The following ADGRL2 variants were observed in gnomAD, a reference collection of about 807,000 sequenced individuals.
ADGRL2 encodes the protein adhesion G protein-coupled receptor L2, also known as calcium-independent alpha-latrotoxin receptor 2.
ADGRL2 carries 44 observed loss-of-function variants against 157.4 expected under a neutral mutation model. The observed-to-expected ratio is 0.28, with a 90% CI of 0.22 to 0.36. The LOEUF is 0.36. ADGRL2 is among the 10% of genes least tolerant of loss of function. ADGRL2 has a pLI of 1.00. For synonymous variants in ADGRL2, 585 were observed against 624.7 expected, an observed-to-expected ratio of 0.94 and a Z score of 0.95; for missense variants, 1,510 against 1,768.9, an observed-to-expected ratio of 0.85 and a Z score of 2.63.
intron 1 of ADGRL2, among the ~76,000 whole-genome samples, chr1:81,709,938 G>C (rs984104383): frequency 1.3e-5 from 2 of 152,094 alleles, no homozygotes; most frequent in Admixed American, 1.3e-4. Context: ...AGAAATAACT[G>C]TTTCCCCGTC....
chr1:81,746,328 G>A (rs187957704), intron 1 of ADGRL2, among the ~76,000 whole-genome samples: 13 of 152,008 alleles, frequency 8.6e-5, no homozygotes, highest in South Asian at 4.2e-4. Flanking sequence ...TTGCTCTGTC[G>A]CCCAGGCTTG....
At chr1:81,663,830 G>T (rs1483584568) in intron 3 of ADGRL2, among the ~76,000 whole-genome samples, 1 of 152,100 alleles carries the variant, frequency 6.6e-6, no homozygotes, top group Non-Finnish European at 1.5e-5. Context: ...TTAAGAATTG[G>T]CTACTTGTTC....
At chr1:81,966,904 A>G (rs1657217441) in intron 13 of ADGRL2, among the ~76,000 whole-genome samples, 1 of 152,232 alleles carries the variant, frequency 6.6e-6, no homozygotes, top group African/African-American at 2.4e-5. Flanking sequence ...TTTGTTTTCA[A>G]ATGAAAATTA....
At chr1:81,316,624 G>A (rs1660125574) in intron 1 of ADGRL2, among the ~76,000 whole-genome samples, 2 of 152,100 alleles carry the variant, frequency 1.3e-5, no homozygotes, top group Admixed American at 1.3e-4. Context: ...TATACGCAAG[G>A]TTGATTCAAC....
chr1:81,642,239 C>A (rs2082232661), intron 3 of ADGRL2, among the ~76,000 whole-genome samples: 3 of 139,960 alleles, frequency 2.1e-5, no homozygotes, highest in East Asian at 4.2e-4. Context: ...CAGAGCGAGA[C>A]TCTGTCTCCA....
chr1:81,495,506 T>C (rs894066839), intron 2 of ADGRL2, among the ~76,000 whole-genome samples: 1 of 152,186 alleles, frequency 6.6e-6, no homozygotes, highest in African/African-American at 2.4e-5. Flanking sequence ...CTTATTAAAA[T>C]ATTGAATAAC....
chr1:81,846,745 G>C (rs1036152873), intron 2 of ADGRL2, among the ~76,000 whole-genome samples: 1 of 151,886 alleles, frequency 6.6e-6, no homozygotes, highest in Non-Finnish European at 1.5e-5. Flanking sequence ...TGTTAGATAT[G>C]CCTATATGAA....
intron 3 of ADGRL2, among the ~76,000 whole-genome samples, chr1:81,693,689 C>T (rs1216576904): frequency 6.6e-6 from 1 of 152,154 alleles, no homozygotes; most frequent in African/African-American, 2.4e-5. Context: ...ATGTTCCTTG[C>T]TTGGAACATG....
At chr1:81,805,219 A>T (rs919911528) in intron 1 of ADGRL2, among the ~76,000 whole-genome samples, 12 of 152,134 alleles carry the variant, frequency 7.9e-5, no homozygotes, top group African/African-American at 2.7e-4. Flanking sequence ...ATATCCATGA[A>T]TGAAAAAAAG....
intron 2 of ADGRL2, among the ~76,000 whole-genome samples, chr1:81,903,959 A>AT (rs1052318511): frequency 3.2e-4 from 48 of 151,662 alleles, no homozygotes; most frequent in Non-Finnish European, 5.2e-4. Context: ...CAATTTAAAT[A>AT]TTTTTTTGGT....
At chr1:81,713,044 C>T (rs929192599) in intron 1 of ADGRL2, among the ~76,000 whole-genome samples, 2 of 152,046 alleles carry the variant, frequency 1.3e-5, no homozygotes, top group Non-Finnish European at 2.9e-5. Context: ...AGGTGTGAGC[C>T]ACCATGCCCG....
chr1:81,353,691 G>C (rs745446385), intron 1 of ADGRL2, among the ~76,000 whole-genome samples: 1 of 152,178 alleles, frequency 6.6e-6, no homozygotes, highest in African/African-American at 2.4e-5. Context: ...TCATTGAAGA[G>C]CAATGTCTTC....
chr1:81,966,552 A>G lies in ADGRL2; in HGVS notation c.2292A>G (p.Lys764=). The G allele has an allele frequency of 6.2e-7, 1 of 1,614,154 alleles. No homozygotes were observed. Among genetic ancestry groups the G allele is most frequent in the Non-Finnish European group, 8.5e-7 (1 of 1,180,004 alleles). ...ACGTCATTTCAGTTTCAATCAATAA[A>G]GAGTCCAGCCGAGTATACCTGACTG... The part of the protein sequence containing the change: ...NSHVISVSIN[K]ESSRVYLTDP... The change falls in exon 13 of 24, where the codon AAA becomes AAG. Residue 764 remains lysine, a synonymous_variant. Transcript: ENST00000686636.
At chr1:81,585,236 C>T (rs958912343) in intron 3 of ADGRL2, among the ~76,000 whole-genome samples, 3 of 152,244 alleles carry the variant, frequency 2.0e-5, no homozygotes, top group East Asian at 1.9e-4. Flanking sequence ...ACATTTTAAA[C>T]TTCAAGCCAA....
intron 3 of ADGRL2, among the ~76,000 whole-genome samples, chr1:81,602,897 C>CAAAA (rs35152437): frequency 8.3e-6 from 1 of 120,408 alleles, no homozygotes. Context: ...GACTCTGTCT[C>CAAAA]AAAAAAAAAA....
chr1:81,871,349 GTTGGC>G (rs1441494225), intron 2 of ADGRL2, among the ~76,000 whole-genome samples: 1 of 152,030 alleles, frequency 6.6e-6, no homozygotes, highest in Non-Finnish European at 1.5e-5. Context: ...GGACATTTGG[GTTGGC>G]TCCAAGTCTT....
At chr1:81,799,162 T>C (rs2149447155), upstream of ADGRL2, among the ~76,000 whole-genome samples, 1 of 152,342 alleles carries the variant, frequency 6.6e-6, no homozygotes, top group South Asian at 2.1e-4. Flanking sequence ...TGTATGTATG[T>C]ATTTTGACAT....
chr1:81,493,092 A>C (rs1236025182), intron 2 of ADGRL2, among the ~76,000 whole-genome samples: 2 of 152,230 alleles, frequency 1.3e-5, no homozygotes, highest in African/African-American at 4.8e-5. Context: ...TACCAGTGAA[A>C]AATATTTGTA....
intron 3 of ADGRL2, among the ~76,000 whole-genome samples, chr1:81,918,634 T>G (rs537782570): frequency 6.6e-6 from 1 of 152,256 alleles, no homozygotes; most frequent in South Asian, 2.1e-4. Context: ...CGAGCTCTTG[T>G]GGCAGTGTGG....
Sources: allele counts gnomAD v4.1 joint callset (sites outside exome capture counted in the v4.1 genomes callset), GRCh38; gene constraint gnomAD v4.1.1; transcripts MANE v1.5; gene names NCBI Gene and HGNC (gene_info 2026-07-23, HGNC 2026-07-21).